The following FGF14 variants were observed in gnomAD, a reference collection of about 807,000 sequenced individuals.
FGF14 encodes fibroblast growth factor homologous factor 4.
In FGF14, 5 loss-of-function variants were observed where a neutral mutation model predicts 25.5. The ratio of observed to expected loss-of-function variants is 0.20; its 90% CI spans 0.10 to 0.41. FGF14 has a LOEUF of 0.41. FGF14 is among the 10% of genes least tolerant of loss of function. The pLI is 1.00. For missense variants in FGF14, 222 were observed against 320.1 expected (o/e 0.69, Z 2.34); for synonymous variants, 138 against 118.3 (o/e 1.17, Z -1.08).
chr13:102,033,496 C>A (rs202129569), intron 1 of FGF14, among the ~76,000 whole-genome samples: 1 of 138,916 alleles, frequency 7.2e-6, no homozygotes, highest in Non-Finnish European at 1.5e-5. Flanking sequence ...TGCGTGTGCA[C>A]GCACACACAC....
chr13:101,921,835 C>G (rs1387075837), upstream of FGF14, among the ~76,000 whole-genome samples: 2 of 152,180 alleles, frequency 1.3e-5, no homozygotes, highest in Non-Finnish European at 2.9e-5. Flanking sequence ...ACTCTCATCT[C>G]CTATGAATCT....
chr13:101,881,224 A>ATCCTTC (rs1187971347), intron 1 of FGF14, among the ~76,000 whole-genome samples: 19 of 152,288 alleles, frequency 1.2e-4, no homozygotes, highest in Non-Finnish European at 7.4e-5. Flanking sequence ...GTGTATATAA[A>ATCCTTC]CTACAGAAGG....
Position 102,027,250 on chromosome 13 carries a change from T to C in FGF14, c.209-151954A>G, listed in dbSNP as rs115999444. ...ACAGACACACACATACACACACACA[T>C]ATATTTATAAAATAGTATAATATGC... On this transcript the variant is annotated intron_variant, in intron 1 of 4. Coordinates refer to the FGF14 transcript ENST00000376131. 8.8e-3 allele frequency among the ~76,000 whole-genome samples: 1,334 copies of C among 151,252 alleles called. 18 individuals carry two copies. The highest frequency in any genetic ancestry group is 0.03 in the African/African-American group (1,252 of 41,358).
Position 101,711,609 on chromosome 13 carries a change from C to T in FGF14, c.*11222G>A, listed in dbSNP as rs2034470119. The T allele has an allele frequency of 6.6e-6, 1 of 152,198 alleles. No individual in the cohort carries two copies. The highest frequency in any genetic ancestry group is 1.5e-5 in the Non-Finnish European group (1 of 68,030). 9.4% of individuals were successfully genotyped at this position (152,198 alleles called of 1,614,324 possible). A position where few individuals can be genotyped will look rare whatever the true frequency, so the allele number is the denominator to read the frequency against. Reference sequence around the variant, plus strand: ...GTGGATTGAATCAGAGTGAAGTCTTCAGTTAACTGTTTGTTTATTGCCTGT... The same window carrying T: ...GTGGATTGAATCAGAGTGAAGTCTTTAGTTAACTGTTTGTTTATTGCCTGT... On this transcript the variant is annotated 3_prime_UTR_variant, in exon 5 of 5. Transcript: ENST00000376143.
At position 101,842,367 on chromosome 13, in the gene FGF14, C is replaced by T. The variant is rs149064749; in HGVS notation, c.408+26358G>A. On this transcript the variant is annotated intron_variant, in intron 3 of 4. Coordinates refer to ENST00000376143, the MANE Select transcript of FGF14 (RefSeq NM_004115.4). ...TTTTATAAGGTCAAGCTTCACTTGT[C>T]GGTGTTATTACCTGTACAATATTAG... Among the ~76,000 whole-genome samples the T allele has an allele frequency of 1.7e-3, 251 of 152,054 alleles. 2 individuals are homozygous for T. Among genetic ancestry groups the T allele is most frequent in the Non-Finnish European group, 2.9e-3 (196 of 67,954 alleles).
chr13:101,790,744 T>C (rs2040189698), intron 3 of FGF14, among the ~76,000 whole-genome samples: 1 of 152,148 alleles, frequency 6.6e-6, no homozygotes, highest in Admixed American at 6.6e-5. Flanking sequence ...TGGGCTTATG[T>C]TGGAGAATGA....
intron 1 of FGF14, among the ~76,000 whole-genome samples, chr13:102,196,857 G>A (rs948933866): frequency 2.0e-5 from 3 of 151,898 alleles, no homozygotes; most frequent in African/African-American, 7.3e-5. Flanking sequence ...CCCTTTGTCA[G>A]GCCCTTTTCA....
At chr13:101,929,108 G>A (rs1175261355) in intron 1 of FGF14, among the ~76,000 whole-genome samples, 1 of 152,166 alleles carries the variant, frequency 6.6e-6, no homozygotes, top group Non-Finnish European at 1.5e-5. Flanking sequence ...ACTTGACCCG[G>A]CATTCAGGCA....
intron 1 of FGF14, among the ~76,000 whole-genome samples, chr13:102,163,454 C>G (rs1453537112): frequency 6.6e-6 from 1 of 152,126 alleles, no homozygotes; most frequent in African/African-American, 2.4e-5. Context: ...TGAGGCTCTG[C>G]CATCGAGGAA....
chr13:101,875,406 A>G (rs2045339600), intron 1 of FGF14, 110 bp from the exon 2 acceptor site: 2 of 758,508 alleles, frequency 2.6e-6, no homozygotes, highest in South Asian at 1.5e-5. Context: ...TACAAGTAGC[A>G]TATTTTATTT....
chr13:102,153,606 G>C (rs2047186295), intron 1 of FGF14, among the ~76,000 whole-genome samples: 2 of 152,000 alleles, frequency 1.3e-5, no homozygotes, highest in Admixed American at 1.3e-4. Context: ...TTTTTATTGA[G>C]GTAAAAAATG....
chr13:101,927,836 C>A (rs1201766862), intron 1 of FGF14, among the ~76,000 whole-genome samples: 1 of 152,188 alleles, frequency 6.6e-6, no homozygotes. Context: ...GAGCCTGGAG[C>A]AGTGCCTGAC....
intron 3 of FGF14, among the ~76,000 whole-genome samples, chr13:101,865,021 G>C (rs565909468): frequency 6.6e-6 from 1 of 152,106 alleles, no homozygotes; most frequent in Non-Finnish European, 1.5e-5. Flanking sequence ...TCAGATCCAG[G>C]ACCCAGGTGT....
chr13:102,023,891 C>A (rs1316891349), intron 1 of FGF14, among the ~76,000 whole-genome samples: 2 of 151,874 alleles, frequency 1.3e-5, no homozygotes, highest in African/African-American at 4.8e-5. Context: ...TAAATGAGGT[C>A]CCAGTGGGAG....
chr13:101,842,751 G>A (rs955377057), intron 3 of FGF14, among the ~76,000 whole-genome samples: 6 of 151,950 alleles, frequency 3.9e-5, no homozygotes, highest in African/African-American at 1.2e-4. Context: ...GTTTCATCAT[G>A]GTTTTAGTCT....
intron 1 of FGF14, among the ~76,000 whole-genome samples, chr13:102,157,618 A>C (rs1015951790): frequency 5.3e-5 from 8 of 152,218 alleles, no homozygotes; most frequent in Non-Finnish European, 7.3e-5. Context: ...CATGTCTAAA[A>C]CACCAAAAGC....
At chr13:102,062,248 G>A (rs543060214) in intron 1 of FGF14, among the ~76,000 whole-genome samples, 93 of 151,968 alleles carry the variant, frequency 6.1e-4, no homozygotes, top group African/African-American at 2.2e-3. Context: ...ATACTCAGAT[G>A]GAGTTAAAAT....
intron 1 of FGF14, among the ~76,000 whole-genome samples, chr13:102,376,913 G>A (rs144725873): frequency 3.3e-3 from 504 of 152,252 alleles, no homozygotes; most frequent in Non-Finnish European, 6.3e-3. Context: ...ACAAGCCCAT[G>A]GGCACCAAGT....
At chr13:102,339,922 A>G (rs1211398541) in intron 1 of FGF14, among the ~76,000 whole-genome samples, 1 of 152,134 alleles carries the variant, frequency 6.6e-6, no homozygotes, top group East Asian at 1.9e-4. Flanking sequence ...ACCACAATTC[A>G]TTTTCCATTT....
Sources: allele counts gnomAD v4.1 joint callset (sites outside exome capture counted in the v4.1 genomes callset), GRCh38; gene constraint gnomAD v4.1.1; transcripts MANE v1.5; gene names NCBI Gene and HGNC (gene_info 2026-07-23, HGNC 2026-07-21).